Variants in AGPAT4 observed in about 807,000 individuals in gnomAD.
AGPAT4 encodes the protein 1-acylglycerol-3-phosphate O-acyltransferase 4.
Under a neutral mutation model 48.0 loss-of-function variants are expected in AGPAT4, and 15 were observed. The ratio of observed to expected loss-of-function variants is 0.31; its 90% confidence interval spans 0.21 to 0.48. The LOEUF (loss-of-function observed/expected upper bound fraction) is 0.48, where lower values mean the gene tolerates loss of function less well. Among genes scored for constraint, AGPAT4 ranks in the 20% least tolerant of loss-of-function variants. The probability of loss-of-function intolerance (pLI) is 0.99; values close to 1 mark genes in which losing one functional copy is unlikely to be tolerated. For synonymous variants in AGPAT4, 178 were observed against 198.7 expected (o/e 0.90, Z 0.88); for missense variants, 314 against 482.5 (o/e 0.65, Z 3.27).
At chr6:161,230,138 T>C (rs1056052699) in intron 2 of AGPAT4, among the ~76,000 whole-genome samples, 2 of 152,236 alleles carry the variant, frequency 1.3e-5, no homozygotes, top group African/African-American at 4.8e-5. Context: ...TAATGCATCC[T>C]GAGAAAAATA....
rs367909536 is a variant in AGPAT4, at chr6:161,218,917, G to A, written c.178+13119C>T. 3.7e-4 allele frequency among the ~76,000 whole-genome samples: 56 copies of A among 151,478 alleles called. No homozygotes were observed. Among genetic ancestry groups the A allele is most frequent in the African/African-American group, 1.2e-3 (49 of 41,160 alleles). On this transcript the variant is annotated intron_variant, in intron 2 of 8. Transcript: ENST00000320285. This position sits in a 1 kb window ranked among gnomAD's most constrained non-coding sequence, Gnocchi z 4.7. ...GATAAAACACTGTATCTACCAAAGC[G>A]TTTCTAGGATTTTTCCTTCAAAACA...
chr6:161,202,798 A>T lies in AGPAT4; in HGVS notation c.178+29238T>A, dbSNP rs1346078918. 6.6e-6 allele frequency among the ~76,000 whole-genome samples: 1 copy of T among 152,144 alleles called. No individual in the cohort carries two copies. Among genetic ancestry groups the T allele is most frequent in the Non-Finnish European group, 1.5e-5 (1 of 68,026 alleles). ...CAGGTCATAACCTTATGCCCCGTGA[A>T]TGGGGACACTGACTTTTGGAGCCCT... On this transcript the variant is annotated intron_variant, in intron 2 of 8. Coordinates refer to ENST00000320285, the MANE Select transcript of AGPAT4 (RefSeq NM_020133.3). The surrounding 1 kb of genome is among the most constrained non-coding windows in gnomAD (Gnocchi z 5.4).
rs142367520 is a variant in AGPAT4 at position 161,178,589 on chromosome 6, G to A, written c.179-12172C>T. 8.9e-4 allele frequency among the ~76,000 whole-genome samples: 135 copies of A among 152,242 alleles called. No individual in the cohort carries two copies. Among genetic ancestry groups the A allele is most frequent in the Middle Eastern group, 3.4e-3 (1 of 294 alleles). On this transcript the variant is annotated intron_variant, in intron 2 of 8. Coordinates refer to ENST00000320285, the MANE Select transcript of AGPAT4 (RefSeq NM_020133.3). This position sits in a 1 kb window ranked among gnomAD's most constrained non-coding sequence, Gnocchi z 5.1. ...GACCCCTGCACTTCCCGGGTGAGGC[G>A]ATGCCCCACCCTGCTTCAGCTCACA...
chr6:161,148,942 C>T lies in AGPAT4; in HGVS notation c.767+245G>A, dbSNP rs1399191629. Among the ~76,000 whole-genome samples, 1 of 152,220 alleles carries T rather than the reference C, an allele frequency of 6.6e-6. No homozygotes were observed. The highest frequency in any genetic ancestry group is 1.9e-4 in the East Asian group (1 of 5,198). On this transcript the variant is annotated intron_variant, in intron 6 of 8. Coordinates refer to ENST00000320285, the MANE Select transcript of AGPAT4 (RefSeq NM_020133.3). This position sits in a 1 kb window ranked among gnomAD's most constrained non-coding sequence, Gnocchi z 5.5. ...CAAAATAATTATAAAATACAGCCTT[C>T]CATTTGTTCAACCTAAGCTCTTTGA...
At position 161,234,545 on chromosome 6, in the gene AGPAT4, T is replaced by C. The variant is rs962408854; in HGVS notation, c.-89-2243A>G. On this transcript the variant is annotated intron_variant, in intron 1 of 8. Transcript: ENST00000320285. This position sits in a 1 kb window ranked among gnomAD's most constrained non-coding sequence, Gnocchi z 4.4. ...CGTTAAGCTGGCAGCCCCCGCTCAG[T>C]GCACTTGACTTTGGGAGCCACATAA... Among the ~76,000 whole-genome samples, 3 of 152,206 alleles carry C rather than the reference T, an allele frequency of 2.0e-5. No homozygotes were observed. The highest frequency in any genetic ancestry group is 4.4e-5 in the Non-Finnish European group (3 of 68,030).
intron 2 of AGPAT4, among the ~76,000 whole-genome samples, chr6:161,182,077 C>T (rs1472601122): frequency 6.6e-6 from 1 of 152,040 alleles, no homozygotes; most frequent in East Asian, 1.9e-4. Flanking sequence ...ATCTTTGACC[C>T]CGACCAGTCT....
At chr6:161,271,476 A>G (rs1055979960) in intron 1 of AGPAT4, among the ~76,000 whole-genome samples, 3 of 152,108 alleles carry the variant, frequency 2.0e-5, no homozygotes, top group Admixed American at 6.5e-5. Flanking sequence ...TTCTTCACCA[A>G]CTTCACAGCA....
At position 161,147,146 on chromosome 6, in the gene AGPAT4, G is replaced by A. The variant is rs1779455398; in HGVS notation, c.768-547C>T. ...ACAAGTCAGTGATGTGGATGGTGGG[G>A]AATTAAAGTTCTCCCAGATGGAAGT... On this transcript the variant is annotated intron_variant, in intron 6 of 8. Coordinates refer to ENST00000320285, the MANE Select transcript of AGPAT4 (RefSeq NM_020133.3). The surrounding 1 kb of genome is among the most constrained non-coding windows in gnomAD (Gnocchi z 4.8). 6.6e-6 allele frequency among the ~76,000 whole-genome samples: 1 copy of A among 152,170 alleles called. No individual in the cohort carries two copies.
rs181142064 is a variant in AGPAT4, at chr6:161,233,832, A to G, written c.-89-1530T>C. ...CGGGATGTAATCCCATCATAAATTG[A>G]GGGGCATCTGTAAGAGTTTCACACA... is the stretch of plus-strand genomic sequence containing the variant. On this transcript the variant is annotated intron_variant, in intron 1 of 8. Transcript: ENST00000320285. The surrounding 1 kb of genome is among the most constrained non-coding windows in gnomAD (Gnocchi z 5.4). Among the ~76,000 whole-genome samples, 6 of 152,324 alleles carry G rather than the reference A, an allele frequency of 3.9e-5. No individual in the cohort carries two copies. Among genetic ancestry groups the G allele is most frequent in the Middle Eastern group, 3.4e-3 (1 of 294 alleles).
chr6:161,136,617 A>G lies in AGPAT4; in HGVS notation c.1060T>C (p.Trp354Arg), dbSNP rs200361654. Residue 354 changes from tryptophan to arginine, a missense_variant, in exon 9 of 9, where the codon TGG (tryptophan) becomes CGG (arginine). Coordinates refer to ENST00000320285, the MANE Select transcript of AGPAT4 (RefSeq NM_020133.3). ...VFFVASVGVR[W>R]MIGVTEIDKG... ...TCAATTTCCGTCACACCAATCATCC[A>G]TCGAACTCCCACGGAGGCTGCAGAG... The G allele has an allele frequency of 1.6e-4, 255 of 1,614,052 alleles. No individual in the cohort carries two copies. Among genetic ancestry groups the G allele is most frequent in the Non-Finnish European group, 2.1e-4 (249 of 1,180,024 alleles).
chr6:161,272,705 AACAC>A lies in AGPAT4; in HGVS notation c.-90+1229_-90+1232del, dbSNP rs3043142. Reference sequence around the variant, plus strand: ...TCCCTGCCCGCCTCCCATTTCCCTAAACACACACACACACACACACACACACAAA... The same window carrying A: ...TCCCTGCCCGCCTCCCATTTCCCTAAACACACACACACACACACACACAAA... On this transcript the variant is annotated intron_variant, in intron 1 of 8. Transcript: ENST00000320285. This position sits in a 1 kb window ranked among gnomAD's most constrained non-coding sequence, Gnocchi z 4.2. Among the ~76,000 whole-genome samples, 13 of 147,076 alleles carry A rather than the reference AACAC, an allele frequency of 8.8e-5. No individual in the cohort carries two copies. Among genetic ancestry groups the A allele is most frequent in the South Asian group, 4.3e-4 (2 of 4,602 alleles).
Position 161,131,108 on chromosome 6 carries a change from A to C in AGPAT4, c.*5432T>G, listed in dbSNP as rs1396405887. 3.3e-6 allele frequency: 1 copy of C among 305,858 alleles called. No homozygotes were observed. The highest frequency in any genetic ancestry group is 2.2e-5 in the African/African-American group (1 of 46,190). The allele number at this position is 305,858 out of a possible 1,614,324, so 18.9% of individuals were successfully genotyped here. The stretch of plus-strand genomic sequence containing the variant: ...GAACCAGAGGTGCCAGAAATGTCAA[A>C]AAATATCTAGTCATTCCAATATGTA... On this transcript the variant is annotated 3_prime_UTR_variant, in exon 9 of 9. Coordinates refer to ENST00000320285, the MANE Select transcript of AGPAT4 (RefSeq NM_020133.3).
At chr6:161,162,323 A>G (rs964617936) in intron 3 of AGPAT4, among the ~76,000 whole-genome samples, 2 of 152,322 alleles carry the variant, frequency 1.3e-5, no homozygotes, top group South Asian at 4.1e-4. Flanking sequence ...TCCAACCAAC[A>G]GTATGGATAG....
chr6:161,239,764 T>C (rs1782427761), intron 1 of AGPAT4, among the ~76,000 whole-genome samples: 1 of 152,202 alleles, frequency 6.6e-6, no homozygotes. Flanking sequence ...TTAATGATAA[T>C]ACTCCATTCT....
chr6:161,173,468 T>C (rs1214311702), intron 2 of AGPAT4, among the ~76,000 whole-genome samples: 2 of 152,238 alleles, frequency 1.3e-5, no homozygotes, highest in Non-Finnish European at 2.9e-5. Context: ...GTTCATATCC[T>C]TCGCCCACTT....
rs1362846365 is a variant in AGPAT4, at chr6:161,251,717, C to T, written c.-89-19415G>A. Among the ~76,000 whole-genome samples, 1 of 152,212 alleles carries T rather than the reference C, an allele frequency of 6.6e-6. No individual in the cohort carries two copies. Among genetic ancestry groups the T allele is most frequent in the Non-Finnish European group, 1.5e-5 (1 of 68,042 alleles). ...CCAGGTGGATGCCAAGCCCACTTCCCGGGCCTTACGTTTCCCATTCAAACA... is the reference window on the plus strand; with the variant it reads ...CCAGGTGGATGCCAAGCCCACTTCCTGGGCCTTACGTTTCCCATTCAAACA... On this transcript the variant is annotated intron_variant, in intron 1 of 8. Coordinates refer to ENST00000320285, the MANE Select transcript of AGPAT4 (RefSeq NM_020133.3). The surrounding 1 kb of genome is among the most constrained non-coding windows in gnomAD (Gnocchi z 4.6).
At position 161,216,216 on chromosome 6, in the gene AGPAT4, T is replaced by G. The variant is rs1374788122; in HGVS notation, c.178+15820A>C. ...TCTCTGAAAGGGTTCTGAACCCACGTTGGGGTTGGGTGGGAATAACTCAAT... is the reference window on the plus strand; with the variant it reads ...TCTCTGAAAGGGTTCTGAACCCACGGTGGGGTTGGGTGGGAATAACTCAAT... On this transcript the variant is annotated intron_variant, in intron 2 of 8. Transcript: ENST00000320285. This position sits in a 1 kb window ranked among gnomAD's most constrained non-coding sequence, Gnocchi z 4.8. 6.6e-6 allele frequency among the ~76,000 whole-genome samples: 1 copy of G among 152,112 alleles called. No homozygotes were observed. Among genetic ancestry groups the G allele is most frequent in the African/African-American group, 2.4e-5 (1 of 41,424 alleles).
chr6:161,136,641 A>AGAC lies in AGPAT4; in HGVS notation c.1043-10_1043-8dup. On this transcript the variant is annotated splice_region_variant and splice_polypyrimidine_tract_variant and intron_variant, in intron 8 of 8. Coordinates refer to ENST00000320285, the MANE Select transcript of AGPAT4 (RefSeq NM_020133.3). ...CATCGAACTCCCACGGAGGCTGCAG[A>AGAC]GACAAGGAGAGCAGAGTTAGGAGTA... 6.2e-7 allele frequency: 1 copy of AGAC among 1,613,284 alleles called. No homozygotes were observed. Among genetic ancestry groups the AGAC allele is most frequent in the South Asian group, 1.1e-5 (1 of 91,068 alleles).
intron 3 of AGPAT4, chr6:161,160,914 G>A (rs955718501): frequency 1.4e-5 from 6 of 434,928 alleles, no homozygotes; most frequent in South Asian, 6.5e-5. Context: ...TAATAGGAGC[G>A]ATTGGCCTCG....
Sources: allele counts gnomAD v4.1 joint callset (sites outside exome capture counted in the v4.1 genomes callset), GRCh38; gene constraint gnomAD v4.1.1; non-coding constraint Gnocchi (gnomAD v3.1); transcripts MANE v1.5; gene names NCBI Gene and HGNC (gene_info 2026-07-23, HGNC 2026-07-21).